The following CPXM2 variants were observed in gnomAD, a reference collection of about 807,000 sequenced individuals.
CPXM2 encodes inactive carboxypeptidase-like protein X2.
Under a neutral mutation model 86.1 loss-of-function variants are expected in CPXM2, and 66 were observed. The ratio of observed to expected loss-of-function variants is 0.77; its 90% CI spans 0.63 to 0.94. The LOEUF is 0.94. Ranked by LOEUF, CPXM2 falls within the 40% of genes least tolerant of loss-of-function variation. The probability of loss-of-function intolerance (pLI) is 0.00; values close to 1 mark genes in which losing one functional copy is unlikely to be tolerated. For missense variants in CPXM2, 948 were observed against 1,026.3 expected (o/e 0.92, Z 1.04); for synonymous variants, 388 against 400.2 (o/e 0.97, Z 0.36).
intron 2 of CPXM2, among the ~76,000 whole-genome samples, chr10:123,899,233 CTTA>C (rs1437092570): frequency 6.9e-6 from 1 of 144,904 alleles, no homozygotes; most frequent in East Asian, 2.2e-4. Flanking sequence ...AATCCAATAG[CTTA>C]TTTTTTAAAA....
chr10:123,859,776 C>A (rs111651985), intron 3 of CPXM2, among the ~76,000 whole-genome samples: 1 of 152,188 alleles, frequency 6.6e-6, no homozygotes, highest in African/African-American at 2.4e-5. Flanking sequence ...CAGGAGAGTG[C>A]GCTCAGCCAA....
chr10:123,753,882 T>G (rs1033558485), intron 13 of CPXM2, among the ~76,000 whole-genome samples: 1 of 152,202 alleles, frequency 6.6e-6, no homozygotes, highest in Non-Finnish European at 1.5e-5. Flanking sequence ...TAACCCTGAC[T>G]AGTTAACACC....
chr10:123,891,293 G>C lies in CPXM2; in HGVS notation c.304+63C>G, dbSNP rs1319519406. The C allele has an allele frequency of 2.3e-6, 3 of 1,328,408 alleles. No individual in the cohort carries two copies. Among genetic ancestry groups the C allele is most frequent in the Non-Finnish European group, 3.0e-6 (3 of 991,694 alleles). 82.3% of individuals were successfully genotyped at this position (1,328,408 alleles called of 1,614,324 possible). A position where few individuals can be genotyped will look rare whatever the true frequency, so the allele number is the denominator to read the frequency against. ...ACACACACAATGGGAGAAGCCAGTT[G>C]TCCCCTGGAGGCGCGCAACCACCGG... On this transcript the variant is annotated intron_variant, in intron 1 of 13. Coordinates refer to ENST00000241305, the MANE Select transcript of CPXM2 (RefSeq NM_198148.3). The surrounding 1 kb of genome is among the most constrained non-coding windows in gnomAD (Gnocchi z 5.6).
intron 2 of CPXM2, among the ~76,000 whole-genome samples, chr10:123,910,444 G>A (rs564108645): frequency 1.3e-5 from 2 of 152,090 alleles, no homozygotes; most frequent in South Asian, 4.2e-4. Context: ...AGAGATTCTC[G>A]GAACTGCACC....
intron 4 of CPXM2, among the ~76,000 whole-genome samples, chr10:123,808,111 C>T (rs7906939): frequency 0.028 from 4,327 of 151,964 alleles, 199 homozygotes; most frequent in African/African-American, 0.099. Flanking sequence ...AGCCTTCCTT[C>T]AAATCAGAAA....
chr10:123,942,021 T>C (rs1222185333), upstream of CPXM2, among the ~76,000 whole-genome samples: 1 of 152,224 alleles, frequency 6.6e-6, no homozygotes, highest in South Asian at 2.1e-4. Flanking sequence ...TCCAGGGTTA[T>C]CTGAATCTCT....
intron 4 of CPXM2, among the ~76,000 whole-genome samples, chr10:123,811,626 A>T (rs1313875956): frequency 6.6e-6 from 1 of 152,238 alleles, no homozygotes; most frequent in Non-Finnish European, 1.5e-5. Context: ...CTTATTAAAA[A>T]ACATCATCAA....
chr10:123,869,758 G>A (rs369083813), intron 2 of CPXM2, among the ~76,000 whole-genome samples: 2 of 152,146 alleles, frequency 1.3e-5, no homozygotes, highest in East Asian at 3.9e-4. Context: ...TTTGCCCTCT[G>A]GCACAGATTC....
At chr10:123,881,315 C>T (rs1040044478) in intron 1 of CPXM2, among the ~76,000 whole-genome samples, 4 of 148,118 alleles carry the variant, frequency 2.7e-5, no homozygotes, top group African/African-American at 5.1e-5. Context: ...TCAGCTCTGG[C>T]ATCGCCTCCT....
Position 123,880,279 on chromosome 10 carries a change from G to A in CPXM2, c.335C>T (p.Thr112Ile). The A allele has an allele frequency of 6.3e-7, 1 of 1,593,810 alleles. No individual in the cohort carries two copies. Among genetic ancestry groups the A allele is most frequent in the Non-Finnish European group, 8.6e-7 (1 of 1,161,562 alleles). ...GKHSNKKVMR[T>I]KSSEKAANDD... ...GTTGGCAGCCTTCTCAGAGCTCTTG[G>A]TTCTCATAACTTTTTTGTTGCTGTG... The change falls in exon 2 of 14, where the codon ACC (threonine) becomes ATC (isoleucine). Residue 112 changes from threonine to isoleucine, a missense_variant. By Grantham distance (89) the Thr-to-Ile change is moderately conservative (BLOSUM62 -1). Transcript: ENST00000241305.
intron 2 of CPXM2, among the ~76,000 whole-genome samples, chr10:123,908,737 A>G (rs1425556449): frequency 6.6e-6 from 1 of 152,300 alleles, no homozygotes; most frequent in Middle Eastern, 3.4e-3. Context: ...AGTTCACTGC[A>G]GCTTTAAACA....
chr10:123,757,092 GTGCTGGCCC>G (rs2133978984), intron 12 of CPXM2, 112 bp downstream of exon 12: 1 of 903,288 alleles, frequency 1.1e-6, no homozygotes, highest in Admixed American at 1.9e-5. Context: ...TCGCAGCACT[GTGCTGGCCC>G]AGGATGACGG....
rs1412918664 is a variant in CPXM2, at chr10:123,785,438, C to T, written c.890-5183G>A. On this transcript the variant is annotated intron_variant, in intron 6 of 13. Coordinates refer to ENST00000241305, the MANE Select transcript of CPXM2 (RefSeq NM_198148.3). ...CTTGGGACTCTGACATGTGGCCTAACAACAAAGCAACCAACTTGTCCCAGA... is the reference window on the plus strand; with the variant it reads ...CTTGGGACTCTGACATGTGGCCTAATAACAAAGCAACCAACTTGTCCCAGA... Among the ~76,000 whole-genome samples the T allele has an allele frequency of 3.3e-5, 5 of 152,102 alleles. No individual in the cohort carries two copies. The East Asian group carries it at 9.6e-4, about 29-fold the overall frequency.
chr10:123,795,239 C>G (rs1847306843), intron 6 of CPXM2, among the ~76,000 whole-genome samples: 1 of 152,192 alleles, frequency 6.6e-6, no homozygotes, highest in South Asian at 2.1e-4. Context: ...CACTCAACAA[C>G]AACTCTCCAT....
intron 6 of CPXM2, among the ~76,000 whole-genome samples, chr10:123,791,778 T>G (rs569856408): frequency 1.3e-5 from 2 of 152,202 alleles, no homozygotes; most frequent in Non-Finnish European, 2.9e-5. Flanking sequence ...TGTTTCTAAA[T>G]AAGATCACAT....
chr10:123,751,707 G>A (rs775510130), intron 13 of CPXM2: 38 of 985,230 alleles, frequency 3.9e-5, no homozygotes, highest in African/African-American at 1.2e-4. Context: ...AATCCATCCC[G>A]AAATAAAACT....
intron 4 of CPXM2, among the ~76,000 whole-genome samples, chr10:123,839,358 T>TA (rs1225037666): frequency 6.6e-6 from 1 of 152,332 alleles, no homozygotes; most frequent in South Asian, 2.1e-4. Context: ...ATAATATAAA[T>TA]AAATGCTCAT....
At chr10:123,788,537 C>T (rs1218518290) in intron 6 of CPXM2, among the ~76,000 whole-genome samples, 2 of 152,190 alleles carry the variant, frequency 1.3e-5, no homozygotes, top group Non-Finnish European at 2.9e-5. Context: ...AGCATGAACC[C>T]TTCACCCTTG....
intron 9 of CPXM2, among the ~76,000 whole-genome samples, chr10:123,767,542 C>T (rs1018008745): frequency 2.0e-5 from 3 of 152,184 alleles, no homozygotes; most frequent in Non-Finnish European, 4.4e-5. Context: ...TTCTGGCTCA[C>T]TATTTAGCAA....
Sources: allele counts gnomAD v4.1 joint callset (sites outside exome capture counted in the v4.1 genomes callset), GRCh38; gene constraint gnomAD v4.1.1; non-coding constraint Gnocchi (gnomAD v3.1); transcripts MANE v1.5; gene names NCBI Gene and HGNC (gene_info 2026-07-23, HGNC 2026-07-21).